XPR1: variants seen among roughly 807,000 people sequenced by gnomAD.
XPR1 encodes the protein xenotropic and polytropic retrovirus receptor 1, also known as solute carrier family 53 member 1.
Under a neutral mutation model 87.5 loss-of-function variants are expected in XPR1, and 28 were observed. The observed-to-expected ratio is 0.32, with a 90% confidence interval of 0.24 to 0.44. XPR1 has a LOEUF of 0.44. Ranked by LOEUF, XPR1 falls within the 20% of genes least tolerant of loss-of-function variation. XPR1 has a pLI of 1.00. For synonymous variants in XPR1, 300 were observed against 306.1 expected (o/e 0.98, Z 0.21); for missense variants, 559 against 862.3 (o/e 0.65, Z 4.41).
At chr1:180,671,258 G>A (rs1353977444) in intron 1 of XPR1, among the ~76,000 whole-genome samples, 2 of 152,160 alleles carry the variant, frequency 1.3e-5, no homozygotes, top group Non-Finnish European at 2.9e-5. Context: ...ACTGCTTTGG[G>A]AAGATTGATT....
intron 7 of XPR1, among the ~76,000 whole-genome samples, chr1:180,814,816 C>T (rs1650344018): frequency 2.6e-5 from 4 of 152,016 alleles, no homozygotes; most frequent in South Asian, 4.1e-4. Context: ...GAAGAAATAA[C>T]GTTTATGCTA....
chr1:180,824,429 C>A (rs1973674), intron 7 of XPR1, among the ~76,000 whole-genome samples: 72,010 of 151,696 alleles, frequency 0.47, 17,573 homozygotes, highest in Non-Finnish European at 0.49. Context: ...AAAAATACAA[C>A]AATTAGCTGG....
chr1:180,795,578 TA>T (rs1249043756), intron 3 of XPR1, among the ~76,000 whole-genome samples: 1 of 152,198 alleles, frequency 6.6e-6, no homozygotes, highest in Non-Finnish European at 1.5e-5. Context: ...AGGACATAAA[TA>T]CTTAAGTTGT....
intron 2 of XPR1, among the ~76,000 whole-genome samples, chr1:180,767,390 C>T (rs1648326725): frequency 2.0e-5 from 3 of 151,994 alleles, no homozygotes; most frequent in Non-Finnish European, 2.9e-5. Flanking sequence ...TGTTTTCAAG[C>T]GAGAATAAAC....
chr1:180,798,813 C>G (rs1649681311), intron 3 of XPR1, among the ~76,000 whole-genome samples: 1 of 152,068 alleles, frequency 6.6e-6, no homozygotes, highest in Non-Finnish European at 1.5e-5. Flanking sequence ...CTGATTTTAC[C>G]ATGTTGGTCA....
chr1:180,662,573 G>C (rs1188962309), intron 1 of XPR1, among the ~76,000 whole-genome samples: 1 of 151,970 alleles, frequency 6.6e-6, no homozygotes, highest in African/African-American at 2.4e-5. Flanking sequence ...CTTGACCTTT[G>C]GGAGTTTAAT....
At chr1:180,809,540 T>A (rs182254109) in intron 6 of XPR1, among the ~76,000 whole-genome samples, 2 of 152,226 alleles carry the variant, frequency 1.3e-5, no homozygotes, top group African/African-American at 4.8e-5. Context: ...TTCTATACTT[T>A]AAGTATGTGC....
chr1:180,881,308 C>T (rs776270441), intron 14 of XPR1, among the ~76,000 whole-genome samples: 7 of 152,056 alleles, frequency 4.6e-5, no homozygotes, highest in Admixed American at 6.5e-5. Context: ...GGACTACAGG[C>T]GTCCGCTACC....
chr1:180,680,080 C>T (rs1656513806), intron 1 of XPR1, among the ~76,000 whole-genome samples: 1 of 152,046 alleles, frequency 6.6e-6, no homozygotes, highest in South Asian at 2.1e-4. Context: ...TCTGAACAGA[C>T]ATTTCTCAAA....
chr1:180,770,763 C>T (rs1018372040), intron 2 of XPR1, among the ~76,000 whole-genome samples: 5 of 151,920 alleles, frequency 3.3e-5, no homozygotes, highest in Non-Finnish European at 7.4e-5. Context: ...GTTACATGGC[C>T]CCTTCATCTG....
chr1:180,680,045 A>T (rs1215563318), intron 1 of XPR1, among the ~76,000 whole-genome samples: 1 of 152,178 alleles, frequency 6.6e-6, no homozygotes, highest in Non-Finnish European at 1.5e-5. Context: ...AGCAAAAAAA[A>T]ATTGATTTAA....
intron 2 of XPR1, among the ~76,000 whole-genome samples, chr1:180,776,130 G>A (rs1456215393): frequency 6.6e-6 from 1 of 152,036 alleles, no homozygotes; most frequent in Non-Finnish European, 1.5e-5. Context: ...TGCAAGTCCA[G>A]TTTTTTGTTT....
chr1:180,699,470 T>C lies in XPR1; in HGVS notation c.121+17059T>C, dbSNP rs1211363272. ...ATGAGTGAGAATATGCGGTGTTTGG[T>C]TTTTTGTTCTTGCGATAGTTTACTG... On this transcript the variant is annotated intron_variant, in intron 2 of 14. Transcript: ENST00000367590. 1.1e-4 allele frequency among the ~76,000 whole-genome samples: 10 copies of C among 95,024 alleles called. No individual in the cohort carries two copies. In the East Asian group the frequency reaches 2.9e-3, roughly 28 times the overall value. 62.3% of individuals were successfully genotyped at this position (95,024 alleles called of 152,430 possible). A position where few individuals can be genotyped will look rare whatever the true frequency, so the allele number is the denominator to read the frequency against.
intron 1 of XPR1, among the ~76,000 whole-genome samples, chr1:180,659,758 C>G (rs754750390): frequency 5.9e-5 from 9 of 152,008 alleles, no homozygotes; most frequent in Non-Finnish European, 1.2e-4. Context: ...ACCTCGTGAT[C>G]CACCTGCCTC....
Position 180,886,617 on chromosome 1 carries a change from T to G in XPR1, c.*2551T>G, listed in dbSNP as rs1286318709. 1 of 152,254 alleles carries G rather than the reference T, an allele frequency of 6.6e-6. No individual in the cohort carries two copies. Among genetic ancestry groups the G allele is most frequent in the Admixed American group, 6.5e-5 (1 of 15,288 alleles). 9.4% of individuals were successfully genotyped at this position (152,254 alleles called of 1,614,324 possible). On this transcript the variant is annotated 3_prime_UTR_variant, in exon 15 of 15. Transcript: ENST00000367590. ...TTCAAAAATAAGGCTTATGTAACTT[T>G]CAGCTTGCTATGTGACAGAAGTTTA...
At chr1:180,770,812 C>G (rs1648485434) in intron 2 of XPR1, among the ~76,000 whole-genome samples, 1 of 152,118 alleles carries the variant, frequency 6.6e-6, no homozygotes. Flanking sequence ...ACATTACTTT[C>G]TCTTTCATTT....
At chr1:180,660,752 T>C (rs535166700) in intron 1 of XPR1, among the ~76,000 whole-genome samples, 2 of 144,260 alleles carry the variant, frequency 1.4e-5, no homozygotes, top group South Asian at 2.2e-4. Context: ...TGAAGACTTA[T>C]TTTGTGGCCT....
intron 11 of XPR1, among the ~76,000 whole-genome samples, chr1:180,840,792 T>A (rs1651484251): frequency 6.6e-6 from 1 of 151,968 alleles, no homozygotes; most frequent in South Asian, 2.1e-4. Flanking sequence ...AATATATATA[T>A]ATGTATATAT....
At chr1:180,816,538 ATAT>A (rs745864538) in intron 7 of XPR1, among the ~76,000 whole-genome samples, 2 of 152,208 alleles carry the variant, frequency 1.3e-5, no homozygotes, top group Non-Finnish European at 2.9e-5. Context: ...CACTTAAGTA[ATAT>A]TGTTTGTAAT....
Sources: gnomAD v4.1 joint callset for allele counts (sites outside exome capture counted in the v4.1 genomes callset) on GRCh38, gnomAD v4.1.1 for gene constraint, MANE v1.5 for transcripts, NCBI Gene and HGNC (gene_info 2026-07-23, HGNC 2026-07-21) for gene names.